Variants in STPG2 observed in about 807,000 individuals in gnomAD.
The protein encoded by STPG2 is sperm tail PG-rich repeat containing 2.
In STPG2, 56 loss-of-function variants were observed where a neutral mutation model predicts 54.2. The ratio of observed to expected loss-of-function variants is 1.03; its 90% CI spans 0.83 to 1.29. The LOEUF is 1.29. Ranked by LOEUF, STPG2 falls within the 50% of genes most tolerant of loss-of-function variation. STPG2 has a pLI of 0.00. For synonymous variants in STPG2, 200 were observed against 181.8 expected (o/e 1.10, Z -0.81); for missense variants, 596 against 544.9 (o/e 1.09, Z -0.93).
chr4:98,128,525 G>A lies in STPG2; in HGVS notation c.290C>T (p.Ser97Leu), dbSNP rs1478925550. 9 of 1,612,850 alleles carry A rather than the reference G, an allele frequency of 5.6e-6. No individual in the cohort carries two copies. Among genetic ancestry groups the A allele is most frequent in the Admixed American group, 1.7e-5 (1 of 59,812 alleles). ...ATCATCATTAATATGATAACCATAT[G>A]ACTTTCCACAAGAAGGAATTGAAGG... is the stretch of plus-strand genomic sequence containing the variant. ...DVPSIPSCGK[S>L]YGYHINDDGS... The change falls in exon 3 of 11, where the codon TCA becomes TTA. Residue 97 changes from serine (S) to leucine (L), a missense_variant. By Grantham distance (145) the Ser-to-Leu change is moderately radical. Transcript: ENST00000295268.
chr4:97,984,934 C>T (rs566988270), intron 5 of STPG2, among the ~76,000 whole-genome samples: 1 of 152,314 alleles, frequency 6.6e-6, no homozygotes, highest in African/African-American at 2.4e-5. Context: ...CACTTTACCT[C>T]CTCACCATCC....
chr4:98,021,969 C>A (rs367553108), intron 5 of STPG2, among the ~76,000 whole-genome samples: 1 of 151,714 alleles, frequency 6.6e-6, no homozygotes, highest in African/African-American at 2.4e-5. Flanking sequence ...GACTCTTTAT[C>A]CAATTTGCCA....
chr4:97,466,529 T>A (rs1416065827), intron 4 of STPG2, among the ~76,000 whole-genome samples: 1 of 152,098 alleles, frequency 6.6e-6, no homozygotes, highest in Non-Finnish European at 1.5e-5. Flanking sequence ...TCAACATTTG[T>A]TAGTTATCTG....
At chr4:97,815,339 G>T (rs1003541598) in intron 9 of STPG2, among the ~76,000 whole-genome samples, 1 of 152,022 alleles carries the variant, frequency 6.6e-6, no homozygotes, top group African/African-American at 2.4e-5. Flanking sequence ...TTTCAGATTT[G>T]GGAATATTTG....
At chr4:97,452,296 T>A (rs957251582) in intron 4 of STPG2, among the ~76,000 whole-genome samples, 6 of 151,864 alleles carry the variant, frequency 4.0e-5, no homozygotes, top group Non-Finnish European at 7.4e-5. Flanking sequence ...TTCTCCAATT[T>A]TGGAGCAAAG....
chr4:97,894,559 C>T (rs185105899), intron 8 of STPG2, among the ~76,000 whole-genome samples: 4 of 151,958 alleles, frequency 2.6e-5, no homozygotes, highest in Admixed American at 2.6e-4. Flanking sequence ...TTTCTCTCCT[C>T]AGTTCATTTA....
At chr4:97,906,398 C>T (rs893911196) in intron 8 of STPG2, among the ~76,000 whole-genome samples, 2 of 152,092 alleles carry the variant, frequency 1.3e-5, no homozygotes, top group African/African-American at 4.8e-5. Context: ...AAAAAGAGTC[C>T]AGGACCAGAT....
intron 10 of STPG2, among the ~76,000 whole-genome samples, chr4:97,579,636 A>C (rs1732813341): frequency 6.6e-6 from 1 of 152,110 alleles, no homozygotes; most frequent in African/African-American, 2.4e-5. Flanking sequence ...TTTACAAAAG[A>C]AACAAACTTT....
chr4:97,705,362 G>C (rs1019010972), intron 10 of STPG2, among the ~76,000 whole-genome samples: 1 of 149,888 alleles, frequency 6.7e-6, no homozygotes, highest in African/African-American at 2.5e-5. Context: ...GTCTCACTCT[G>C]TTACCCAGGC....
intron 6 of STPG2, among the ~76,000 whole-genome samples, chr4:97,979,969 C>T (rs1453630202): frequency 6.6e-6 from 1 of 151,884 alleles, no homozygotes; most frequent in Non-Finnish European, 1.5e-5. Context: ...ATGATCCACC[C>T]GCCTCAGCCT....
chr4:97,723,847 C>A (rs1186572215), intron 9 of STPG2, among the ~76,000 whole-genome samples: 1 of 152,170 alleles, frequency 6.6e-6, no homozygotes, highest in Non-Finnish European at 1.5e-5. Context: ...TGTGATAACA[C>A]TATCATGAGA....
At chr4:97,937,023 T>C (rs1397405053) in intron 8 of STPG2, among the ~76,000 whole-genome samples, 1 of 152,120 alleles carries the variant, frequency 6.6e-6, no homozygotes, top group Non-Finnish European at 1.5e-5. Context: ...CAATCAGTCA[T>C]AGGTTCAGTA....
chr4:97,533,693 C>T (rs1731466429), intron 4 of STPG2, among the ~76,000 whole-genome samples: 1 of 151,944 alleles, frequency 6.6e-6, no homozygotes, highest in South Asian at 2.1e-4. Flanking sequence ...TGAGATTTTT[C>T]CATATTATAG....
chr4:97,723,476 C>T (rs1228830116), intron 9 of STPG2, among the ~76,000 whole-genome samples: 1 of 152,092 alleles, frequency 6.6e-6, no homozygotes, highest in Non-Finnish European at 1.5e-5. Context: ...AATCTGATTT[C>T]TTTTTAATTA....
At position 97,539,549 on chromosome 4, in the gene STPG2, C is replaced by T. The variant is rs552980602; in HGVS notation, c.462+173150G>A. Among the ~76,000 whole-genome samples, 9 of 152,276 alleles carry T rather than the reference C, an allele frequency of 5.9e-5. 1 individual carries two copies. Among genetic ancestry groups the T allele is most frequent in the Admixed American group, 4.6e-4 (7 of 15,302 alleles). ...AGCACCCAGATTCATAAAGCAAGTC[C>T]TTAGAAACCTACAAAGAGACTTAGA... is the stretch of plus-strand genomic sequence containing the variant. On this transcript the variant is annotated intron_variant, in intron 4 of 4. Coordinates refer to the STPG2 transcript ENST00000522676.
chr4:97,538,093 A>C (rs1049356733), intron 4 of STPG2, among the ~76,000 whole-genome samples: 1 of 152,186 alleles, frequency 6.6e-6, no homozygotes, highest in East Asian at 1.9e-4. Context: ...AAAGATGGGG[A>C]AAAAACAAAA....
chr4:97,943,253 G>A (rs1171321054), intron 8 of STPG2, among the ~76,000 whole-genome samples: 2 of 152,076 alleles, frequency 1.3e-5, no homozygotes, highest in African/African-American at 2.4e-5. Context: ...TTGGGAGTTA[G>A]GATTTCAACA....
At chr4:97,457,521 A>G (rs1200543071) in intron 4 of STPG2, among the ~76,000 whole-genome samples, 6 of 152,324 alleles carry the variant, frequency 3.9e-5, no homozygotes, top group Admixed American at 1.3e-4. Context: ...TTCCATGAAC[A>G]CCTTATATAA....
At chr4:97,626,982 T>C (rs1485009803) in intron 10 of STPG2, among the ~76,000 whole-genome samples, 3 of 152,106 alleles carry the variant, frequency 2.0e-5, no homozygotes, top group Admixed American at 1.3e-4. Flanking sequence ...ATAATACCAG[T>C]TGTTGACTTA....
Sources: gnomAD v4.1 joint callset for allele counts (sites outside exome capture counted in the v4.1 genomes callset) on GRCh38, gnomAD v4.1.1 for gene constraint, MANE v1.5 for transcripts, NCBI Gene and HGNC (gene_info 2026-07-23, HGNC 2026-07-21) for gene names.